ANKS1B: variants seen among roughly 807,000 people sequenced by gnomAD.
ANKS1B encodes the protein ankyrin repeat and sterile alpha motif domain-containing protein 1B.
A neutral mutation model predicts 148.3 loss-of-function variants in ANKS1B; 36 were observed. That is an observed-to-expected ratio of 0.24 (90% CI 0.19 to 0.32). ANKS1B has a LOEUF of 0.32. Among genes scored for constraint, ANKS1B ranks in the 10% least tolerant of loss-of-function variants. ANKS1B has a pLI of 1.00. For missense variants in ANKS1B, 1,157 were observed against 1,542.6 expected (o/e 0.75, Z 4.19); for synonymous variants, 542 against 560.8 (o/e 0.97, Z 0.47).
At chr12:99,896,975 A>G (rs1379103142) in intron 1 of ANKS1B, among the ~76,000 whole-genome samples, 1 of 151,280 alleles carries the variant, frequency 6.6e-6, no homozygotes, top group Non-Finnish European at 1.5e-5. Context: ...ACAAAAATCT[A>G]TCTCACAGAG....
chr12:99,772,474 C>T (rs1010565673), intron 8 of ANKS1B, among the ~76,000 whole-genome samples: 1 of 152,090 alleles, frequency 6.6e-6, no homozygotes, highest in Non-Finnish European at 1.5e-5. Context: ...AATATGCAGA[C>T]TGAACTTTCC....
chr12:99,233,226 C>T (rs1013355695), intron 14 of ANKS1B, among the ~76,000 whole-genome samples: 29 of 151,986 alleles, frequency 1.9e-4, no homozygotes, highest in Non-Finnish European at 2.2e-4. Context: ...GAAACACTTC[C>T]GGTCACAAGC....
chr12:98,740,093 C>T (rs2097790672), downstream of ANKS1B, among the ~76,000 whole-genome samples: 1 of 152,152 alleles, frequency 6.6e-6, no homozygotes, highest in African/African-American at 2.4e-5. Context: ...AGAAAAGACC[C>T]TGGGCTTGTT....
At chr12:99,297,368 A>G (rs2081017448) in intron 12 of ANKS1B, among the ~76,000 whole-genome samples, 1 of 152,202 alleles carries the variant, frequency 6.6e-6, no homozygotes, top group African/African-American at 2.4e-5. Flanking sequence ...ATCATACAAC[A>G]CAGATACAAA....
intron 12 of ANKS1B, among the ~76,000 whole-genome samples, chr12:99,399,385 T>C (rs1039788531): frequency 2.6e-5 from 4 of 152,138 alleles, no homozygotes; most frequent in Non-Finnish European, 5.9e-5. Flanking sequence ...TCCAGGTCCC[T>C]GGTATTTTTA....
intron 8 of ANKS1B, among the ~76,000 whole-genome samples, chr12:99,765,230 A>C (rs1483462231): frequency 6.6e-6 from 1 of 152,228 alleles, no homozygotes; most frequent in Non-Finnish European, 1.5e-5. Context: ...GGAATAAAGG[A>C]GATAATGATT....
At chr12:98,738,270 T>C (rs1234794806) in intron 9 of ANKS1B, among the ~76,000 whole-genome samples, 1 of 152,228 alleles carries the variant, frequency 6.6e-6, no homozygotes, top group Admixed American at 6.5e-5. Flanking sequence ...TGTAAATTCA[T>C]TTATGAGGTC....
intron 22 of ANKS1B, chr12:98,795,061 G>T: frequency 1.6e-6 from 1 of 629,376 alleles, no homozygotes; most frequent in East Asian, 2.8e-5. Context: ...TTTACATAAG[G>T]CCACTTAAAT....
chr12:99,464,073 G>C (rs904357113), intron 10 of ANKS1B, among the ~76,000 whole-genome samples: 1 of 152,214 alleles, frequency 6.6e-6, no homozygotes, highest in East Asian at 1.9e-4. Context: ...TCACATGGCC[G>C]GGTACTCCTC....
intron 12 of ANKS1B, among the ~76,000 whole-genome samples, chr12:99,264,513 A>G (rs914470809): frequency 4.6e-5 from 7 of 152,110 alleles, no homozygotes; most frequent in Admixed American, 1.3e-4. Flanking sequence ...ACCCTTCATG[A>G]CTGCTTAGTC....
At chr12:99,670,213 C>T (rs2098530307) in intron 8 of ANKS1B, among the ~76,000 whole-genome samples, 2 of 152,126 alleles carry the variant, frequency 1.3e-5, no homozygotes, top group African/African-American at 4.8e-5. Context: ...ATCCCTCAAA[C>T]ATATTAATAT....
intron 9 of ANKS1B, among the ~76,000 whole-genome samples, chr12:99,606,389 C>A (rs1266168914): frequency 2.6e-5 from 4 of 151,658 alleles, no homozygotes; most frequent in Non-Finnish European, 5.9e-5. Context: ...ATTTTAATTA[C>A]ATGTATTAAC....
rs558966323 is a variant in ANKS1B at position 99,333,859 on chromosome 12, T to G, written c.1756+65772A>C. On this transcript the variant is annotated intron_variant, in intron 12 of 26. Coordinates refer to ENST00000683438, the MANE Select transcript of ANKS1B (RefSeq NM_001352186.2). The stretch of plus-strand genomic sequence containing the variant: ...AGTCACATTTCCAGTTCTCAGTTTT[T>G]TTTTTTTTTTTTTTTTAACAATGTG... Among the ~76,000 whole-genome samples, 447 of 149,102 alleles carry G rather than the reference T, an allele frequency of 3.0e-3. 3 individuals carry two copies. Among genetic ancestry groups the G allele is most frequent in the Non-Finnish European group, 5.0e-3 (338 of 67,310 alleles).
chr12:98,965,296 T>G (rs1027398082), intron 17 of ANKS1B, among the ~76,000 whole-genome samples: 2 of 152,220 alleles, frequency 1.3e-5, no homozygotes, highest in Admixed American at 1.3e-4. Context: ...TATGTTTTAC[T>G]GTCTGAACTT....
Position 99,232,273 on chromosome 12 carries a change from C to T in ANKS1B, c.2419+12069G>A, listed in dbSNP as rs1250736871. 2.6e-5 allele frequency among the ~76,000 whole-genome samples: 4 copies of T among 152,068 alleles called. No individual in the cohort carries two copies. The South Asian group carries it at 8.3e-4, about 32-fold the overall frequency. On this transcript the variant is annotated intron_variant, in intron 14 of 26. Transcript: ENST00000683438. Reference sequence around the variant, plus strand: ...GCATTTATATATTGACAAATGAATACAATTTAACCTTAAGTATAAGAAGAA... The same window carrying T: ...GCATTTATATATTGACAAATGAATATAATTTAACCTTAAGTATAAGAAGAA...
rs745798106 is a variant in ANKS1B, at chr12:99,369,291, TA to T, written c.1756+30339del. Among the ~76,000 whole-genome samples the T allele has an allele frequency of 7.2e-5, 11 of 152,276 alleles. No homozygotes were observed. The East Asian group carries it at 1.5e-3, about 21-fold the overall frequency. ...GACTTTGGACCTAATATCCAGGTTA[TA>T]AAAAGTACAGGTATAAAAGGACAAG... On this transcript the variant is annotated intron_variant, in intron 12 of 26. Coordinates refer to ENST00000683438, the MANE Select transcript of ANKS1B (RefSeq NM_001352186.2).
chr12:99,496,984 C>CA (rs2096610686), intron 10 of ANKS1B, among the ~76,000 whole-genome samples: 1 of 152,102 alleles, frequency 6.6e-6, no homozygotes. Flanking sequence ...TTTGTGTGCT[C>CA]AGTTTTAATC....
chr12:99,657,897 CAAAAAAAAA>C (rs58151526), intron 8 of ANKS1B, among the ~76,000 whole-genome samples: 1 of 75,426 alleles, frequency 1.3e-5, no homozygotes, highest in South Asian at 6.7e-4. Flanking sequence ...TCTCCTCCCT[CAAAAAAAAA>C]AAAAAAAAAA....
At chr12:99,654,996 G>T in intron 9 of ANKS1B, 71 bp downstream of exon 9, 2 of 1,453,914 alleles carry the variant, frequency 1.4e-6, no homozygotes, top group Non-Finnish European at 1.8e-6. Context: ...TCGAAGGGGA[G>T]GGAGATTTTA....
Sources: gnomAD v4.1 joint callset for allele counts (sites outside exome capture counted in the v4.1 genomes callset) on GRCh38, gnomAD v4.1.1 for gene constraint, MANE v1.5 for transcripts, NCBI Gene and HGNC (gene_info 2026-07-23, HGNC 2026-07-21) for gene names.